The following ABAT variants were observed in gnomAD, a reference collection of about 807,000 sequenced individuals.
ABAT encodes the protein 4-aminobutyrate aminotransferase.
A neutral mutation model predicts 64.6 loss-of-function variants in ABAT; 45 were observed. That is an observed-to-expected ratio of 0.70 (90% confidence interval 0.55 to 0.89). The LOEUF (loss-of-function observed/expected upper bound fraction) is 0.89, where lower values mean the gene tolerates loss of function less well. Among genes scored for constraint, ABAT ranks in the 40% least tolerant of loss-of-function variants. ABAT has a pLI of 0.00. For missense variants in ABAT, 633 were observed against 658.4 expected (o/e 0.96, Z 0.42); for synonymous variants, 297 against 250.5 (o/e 1.19, Z -1.75).
intron 1 of ABAT, among the ~76,000 whole-genome samples, chr16:8,731,065 C>T (rs1386306177): frequency 2.0e-5 from 3 of 152,104 alleles, no homozygotes; most frequent in Non-Finnish European, 4.4e-5. Context: ...CAGGTTCAAG[C>T]GATTCTTGTG....
chr16:8,710,090 G>C (rs988707172), intron 1 of ABAT, among the ~76,000 whole-genome samples: 5 of 152,102 alleles, frequency 3.3e-5, no homozygotes, highest in Non-Finnish European at 7.3e-5. Flanking sequence ...TAGGATTACA[G>C]GCATGAACCA....
intron 14 of ABAT, among the ~76,000 whole-genome samples, chr16:8,778,946 T>G (rs186578374): frequency 6.6e-6 from 1 of 152,144 alleles, no homozygotes; most frequent in African/African-American, 2.4e-5. Context: ...GGGAGGAAAC[T>G]ATTCAATCCA....
At chr16:8,758,421 G>C (rs1322453520) in intron 6 of ABAT, among the ~76,000 whole-genome samples, 1 of 152,194 alleles carries the variant, frequency 6.6e-6, no homozygotes. Context: ...TCAGCAGAGA[G>C]AAGAGGGCAG....
Position 8,781,684 on chromosome 16 carries a change from T to C in ABAT, c.*254T>C. On this transcript the variant is annotated 3_prime_UTR_variant, in exon 16 of 16. Coordinates refer to ENST00000268251, the MANE Select transcript of ABAT (RefSeq NM_020686.6). This position sits in a 1 kb window ranked among gnomAD's most constrained non-coding sequence, Gnocchi z 4.5. ...AGATCCTGCTTGAGCCCTGGACTCA[T>C]CTTGGGAAGGGCCATGGGAGGTCCT... 1 of 567,740 alleles carries C rather than the reference T, an allele frequency of 1.8e-6. No individual in the cohort carries two copies. The highest frequency in any genetic ancestry group is 1.9e-5 in the South Asian group (1 of 51,714). The allele number at this position is 567,740 out of a possible 1,614,324, so 35.2% of individuals were successfully genotyped here. A position where few individuals can be genotyped will look rare whatever the true frequency, so the allele number is the denominator to read the frequency against.
At chr16:8,704,275 C>G (rs2057891668) in intron 1 of ABAT, among the ~76,000 whole-genome samples, 1 of 152,208 alleles carries the variant, frequency 6.6e-6, no homozygotes, top group Non-Finnish European at 1.5e-5. Flanking sequence ...AAACGGAACA[C>G]AGATCAATTT....
At chr16:8,744,041 G>A (rs2059259587) in intron 2 of ABAT, among the ~76,000 whole-genome samples, 1 of 151,976 alleles carries the variant, frequency 6.6e-6, no homozygotes, top group Non-Finnish European at 1.5e-5. Flanking sequence ...AAAGATTGTG[G>A]GATTCACCCG....
At chr16:8,733,924 A>G (rs1347946583) in intron 1 of ABAT, among the ~76,000 whole-genome samples, 1 of 152,232 alleles carries the variant, frequency 6.6e-6, no homozygotes, top group Non-Finnish European at 1.5e-5. Flanking sequence ...TTCACTTAGC[A>G]TAATGTCTTC....
intron 1 of ABAT, among the ~76,000 whole-genome samples, chr16:8,682,699 C>T (rs1730946): frequency 0.58 from 88,149 of 151,868 alleles, 25,982 homozygotes; most frequent in East Asian, 0.77. Flanking sequence ...TCTTGGATAT[C>T]AGCAACTTGC....
At chr16:8,735,899 A>G in intron 2 of ABAT, 90 bp downstream of exon 2, 1 of 1,156,960 alleles carries the variant, frequency 8.6e-7, no homozygotes, top group Non-Finnish European at 1.3e-6. Context: ...CCTTGGGGAT[A>G]AAGGGACCAG....
intron 1 of ABAT, among the ~76,000 whole-genome samples, chr16:8,694,932 C>G (rs951570734): frequency 6.6e-6 from 1 of 152,198 alleles, no homozygotes; most frequent in African/African-American, 2.4e-5. Context: ...CTCTGTGCTC[C>G]CGCCTACACT....
intron 1 of ABAT, among the ~76,000 whole-genome samples, chr16:8,689,861 A>T (rs1490577211): frequency 6.6e-6 from 1 of 152,246 alleles, no homozygotes; most frequent in Admixed American, 6.5e-5. Context: ...AGAGTCAGGA[A>T]GGTGCTATGC....
intron 4 of ABAT, among the ~76,000 whole-genome samples, chr16:8,750,093 AT>A (rs2142720022): frequency 6.6e-6 from 1 of 152,318 alleles, no homozygotes; most frequent in East Asian, 1.9e-4. Context: ...ATTACTACAT[AT>A]TTTAGTTTTC....
At chr16:8,677,506 T>A (rs182792410) in intron 1 of ABAT, among the ~76,000 whole-genome samples, 28 of 152,282 alleles carry the variant, frequency 1.8e-4, no homozygotes, top group African/African-American at 6.5e-4. Context: ...TTTGTTGGGG[T>A]TGGACATCAG....
chr16:8,760,532 G>A (rs2059765524), intron 6 of ABAT: 1 of 152,260 alleles, frequency 6.6e-6, no homozygotes, highest in Admixed American at 6.5e-5. Context: ...CCGATTAGTT[G>A]AGAGGTTTAG....
At chr16:8,674,883 C>T (rs1379372880) in intron 1 of ABAT, among the ~76,000 whole-genome samples, 172 bp downstream of exon 1, 1 of 152,162 alleles carries the variant, frequency 6.6e-6, no homozygotes, top group African/African-American at 2.4e-5. Flanking sequence ...TCCCACCCCC[C>T]AGAGAGCAAA....
At chr16:8,712,987 T>C (rs1456591983) in intron 1 of ABAT, 1 of 151,106 alleles carries the variant, frequency 6.6e-6, no homozygotes, top group Non-Finnish European at 1.5e-5. Flanking sequence ...TCACCCTCAT[T>C]ACCTCTTCTG....
intron 5 of ABAT, among the ~76,000 whole-genome samples, chr16:8,752,220 C>G (rs1398642259): frequency 1.3e-5 from 2 of 152,194 alleles, no homozygotes; most frequent in Non-Finnish European, 2.9e-5. Flanking sequence ...TGGGGGAAGT[C>G]CATCATTCAG....
intron 1 of ABAT, chr16:8,705,490 G>A (rs1262511416): frequency 6.6e-6 from 1 of 152,186 alleles, no homozygotes; most frequent in Admixed American, 6.5e-5. Context: ...AAGCCTGCTA[G>A]ACAAATTTTA....
intron 12 of ABAT, among the ~76,000 whole-genome samples, 199 bp downstream of exon 12, chr16:8,773,116 ACACACACACACACAC>A (rs2060163680): frequency 8.1e-6 from 1 of 123,354 alleles, no homozygotes; most frequent in African/African-American, 4.3e-5. Context: ...ACACACACAC[ACACACACACACACAC>A]ACACACACAC....
Sources: gnomAD v4.1 joint callset for allele counts (sites outside exome capture counted in the v4.1 genomes callset) on GRCh38, gnomAD v4.1.1 for gene constraint, Gnocchi (gnomAD v3.1) non-coding constraint, MANE v1.5 for transcripts, NCBI Gene and HGNC (gene_info 2026-07-23, HGNC 2026-07-21) for gene names.